The following LRRC56 variants were observed in gnomAD, a reference collection of about 807,000 sequenced individuals.
LRRC56 encodes the protein leucine-rich repeat-containing protein 56.
Under a neutral mutation model 47.8 loss-of-function variants are expected in LRRC56, and 41 were observed. That is an observed-to-expected ratio of 0.86 (90% confidence interval 0.67 to 1.11). The LOEUF (loss-of-function observed/expected upper bound fraction) is 1.11, where lower values mean the gene tolerates loss of function less well. Among genes scored for constraint, LRRC56 ranks in the 50% most tolerant of loss-of-function variants. The pLI, the probability that LRRC56 is intolerant of heterozygous loss-of-function variation, is 0.00. For synonymous variants in LRRC56, 387 were observed against 311.2 expected (o/e 1.24, Z -2.56); for missense variants, 759 against 704.2 (o/e 1.08, Z -0.88).
At chr11:528,123 A>G in the LRRC56 span, among the ~76,000 whole-genome samples, 947 of 152,336 alleles carry the variant, frequency 6.2e-3, 10 homozygotes, top group African/African-American at 0.022. Context: ...GGCTTGAGCC[A>G]CCGTGCCCGG....
intron 5 of LRRC56, among the ~76,000 whole-genome samples, chr11:542,166 C>A (rs1231685384): frequency 7.1e-6 from 1 of 140,546 alleles, no homozygotes; most frequent in African/African-American, 2.7e-5. Flanking sequence ...GCCCCACACA[C>A]CCACGCCAGT....
chr11:523,800 C>T, the LRRC56 span, among the ~76,000 whole-genome samples: 6 of 152,056 alleles, frequency 3.9e-5, no homozygotes, highest in East Asian at 1.9e-4. Context: ...TGGTGGCGCA[C>T]GCCTGTAGTC....
the LRRC56 span, among the ~76,000 whole-genome samples, chr11:520,667 G>T: frequency 6.6e-6 from 1 of 151,932 alleles, no homozygotes; most frequent in Admixed American, 6.6e-5. Context: ...AAAATAATGA[G>T]CCCCATGCCT....
At chr11:539,000 A>C (rs1851651038) in intron 2 of LRRC56, 140 bp downstream of exon 2, 1 of 152,256 alleles carries the variant, frequency 6.6e-6, no homozygotes, top group African/African-American at 2.4e-5. Context: ...AGGACACTGG[A>C]CGCTCCGAGC....
chr11:519,077 C>T, the LRRC56 span, among the ~76,000 whole-genome samples: 30,849 of 152,156 alleles, frequency 0.2, 3,253 homozygotes, highest in African/African-American at 0.27. Flanking sequence ...CCGGTCCTTC[C>T]GCCAAAAACC....
chr11:506,879 C>A, the LRRC56 span: 1 of 152,396 alleles, frequency 6.6e-6, no homozygotes, highest in South Asian at 2.1e-4. Context: ...ACCGCGATGA[C>A]GTCCTCAAGG....
At chr11:532,207 G>C in the LRRC56 span, 2 of 354,446 alleles carry the variant, frequency 5.6e-6, no homozygotes, top group African/African-American at 2.0e-5. Flanking sequence ...CAGGCCACAC[G>C]CGCACCGTGT....
In LRRC56 at chr11:554,062, T is replaced by C. The variant is rs1852612904; in HGVS notation, c.1415T>C (p.Leu472Pro). 3 of 1,610,664 alleles carry C rather than the reference T, an allele frequency of 1.9e-6. No homozygotes were observed. Among genetic ancestry groups the C allele is most frequent in the South Asian group, 2.2e-5 (2 of 91,026 alleles). Residue 472 changes from leucine to proline, a missense_variant, in exon 14 of 14, where the codon CTG (leucine) becomes CCG (proline). Transcript: ENST00000270115. ...GSSSPRWSTD[L>P]QSRGRRLRVL... ...AGCTCCCCGCGGTGGTCGACAGACC[T>C]GCAGTCCAGGGGGCGTCGGCTCCGA...
rs752654529 is a variant in LRRC56 at position 549,932 on chromosome 11, G to C, written c.357G>C (p.Gln119His). 10 of 1,612,942 alleles carry C rather than the reference G, an allele frequency of 6.2e-6. No homozygotes were observed. The South Asian group carries it at 1.1e-4, about 18-fold the overall frequency. ...TGGGCACGTCTCTGGGCCACCTGCA[G>C]GTGCTGTGGCTGGCTCGCTGTGGCC... ...RDLGTSLGHL[Q>H]VLWLARCGLA... The change falls in exon 7 of 14, where the codon CAG becomes CAC. Residue 119 changes from glutamine to histidine, a missense_variant. Transcript: ENST00000270115.
At chr11:552,935 C>T (rs1852494517) in intron 13 of LRRC56, among the ~76,000 whole-genome samples, 1 of 152,206 alleles carries the variant, frequency 6.6e-6, no homozygotes, top group African/African-American at 2.4e-5. Context: ...ACCTTGTGTG[C>T]CACCCGGGCT....
intron 5 of LRRC56, among the ~76,000 whole-genome samples, chr11:542,844 T>C (rs2894649): frequency 0.11 from 16,576 of 152,050 alleles, 1,019 homozygotes; most frequent in South Asian, 0.19. Context: ...CACCTGTACA[T>C]GACTCTTAGC....
intron 6 of LRRC56, among the ~76,000 whole-genome samples, chr11:548,977 C>T (rs1852225996): frequency 6.6e-6 from 1 of 152,106 alleles, no homozygotes; most frequent in South Asian, 2.1e-4. Context: ...AGACACAAAT[C>T]CCAGCCAATT....
the LRRC56 span, among the ~76,000 whole-genome samples, chr11:522,240 G>C: frequency 6.6e-6 from 1 of 151,656 alleles, no homozygotes; most frequent in East Asian, 1.9e-4. Flanking sequence ...CACAATGGCT[G>C]GCTGATTTCT....
chr11:538,940 G>A (rs12420647), intron 2 of LRRC56, 80 bp downstream of exon 2: 53,023 of 152,354 alleles, frequency 0.35, 9,483 homozygotes, highest in African/African-American at 0.38. Flanking sequence ...AGTGCAGTCA[G>A]GGGATCAGTC....
At chr11:520,842 G>A in the LRRC56 span, among the ~76,000 whole-genome samples, 4 of 151,990 alleles carry the variant, frequency 2.6e-5, no homozygotes, top group Admixed American at 2.0e-4. Flanking sequence ...CCTTTCCTGC[G>A]CCTCTGAACA....
chr11:510,988 A>G, the LRRC56 span, among the ~76,000 whole-genome samples: 1 of 152,102 alleles, frequency 6.6e-6, no homozygotes, highest in Non-Finnish European at 1.5e-5. Context: ...ACATAGCGCA[A>G]GTGTCGCACG....
the LRRC56 span, among the ~76,000 whole-genome samples, chr11:525,278 G>T: frequency 2.7e-5 from 4 of 149,784 alleles, no homozygotes; most frequent in Non-Finnish European, 4.5e-5. Flanking sequence ...GGTGGCTCAC[G>T]CCTGTAATCC....
chr11:535,077 G>T (rs1467971684), upstream of LRRC56, among the ~76,000 whole-genome samples: 1 of 152,022 alleles, frequency 6.6e-6, no homozygotes, highest in African/African-American at 2.4e-5. Flanking sequence ...GCCCGGGCGT[G>T]CCGTGGCCGC....
In LRRC56 at chr11:554,561, G is replaced by C. The variant is rs1173019215; in HGVS notation, c.*285G>C. The C allele has an allele frequency of 7.2e-6, 3 of 418,134 alleles. No individual in the cohort carries two copies. The highest frequency in any genetic ancestry group is 1.3e-5 in the Non-Finnish European group (3 of 236,498). The allele number at this position is 418,134 out of a possible 1,614,324, so 25.9% of individuals were successfully genotyped here. On this transcript the variant is annotated 3_prime_UTR_variant, in exon 14 of 14. Coordinates refer to ENST00000270115, the MANE Select transcript of LRRC56 (RefSeq NM_198075.4). ...CTTTCCCGCGGGCACGGGGGTGGGG[G>C]GTGGTCACCCGAGCAGGCCTGTGAG...
Sources: gnomAD v4.1 joint callset for allele counts (sites outside exome capture counted in the v4.1 genomes callset) on GRCh38, gnomAD v4.1.1 for gene constraint, MANE v1.5 for transcripts, NCBI Gene and HGNC (gene_info 2026-07-23, HGNC 2026-07-21) for gene names.